The following HS6ST3 variants were observed in gnomAD, a reference collection of about 807,000 sequenced individuals.
HS6ST3 encodes heparan sulfate 6-O-sulfotransferase 3.
Under a neutral mutation model 36.7 loss-of-function variants are expected in HS6ST3, and 12 were observed. That is an observed-to-expected ratio of 0.33 (90% CI 0.21 to 0.53). The LOEUF is 0.53. Among genes scored for constraint, HS6ST3 ranks in the 20% least tolerant of loss-of-function variants. The pLI is 0.95. For synonymous variants in HS6ST3, 240 were observed against 257.5 expected (o/e 0.93, Z 0.65); for missense variants, 584 against 640.9 (o/e 0.91, Z 0.96).
At chr13:96,298,306 A>G (rs1011372494) in intron 1 of HS6ST3, among the ~76,000 whole-genome samples, 14 of 152,222 alleles carry the variant, frequency 9.2e-5, no homozygotes, top group Non-Finnish European at 1.8e-4. Context: ...TCAGATAAGC[A>G]TGGTTTGGCG....
intron 1 of HS6ST3, among the ~76,000 whole-genome samples, chr13:96,465,621 T>C (rs2055809786): frequency 6.6e-6 from 1 of 152,100 alleles, no homozygotes; most frequent in Admixed American, 6.6e-5. Flanking sequence ...AGGGTATGCT[T>C]AGAAAAATAT....
intron 1 of HS6ST3, among the ~76,000 whole-genome samples, chr13:96,273,121 A>T (rs893745884): frequency 6.6e-6 from 1 of 151,980 alleles, no homozygotes; most frequent in East Asian, 1.9e-4. Context: ...ATTGATATAC[A>T]GTTAAGGGGA....
chr13:96,716,624 TCTAC>T (rs1361298173), intron 1 of HS6ST3, among the ~76,000 whole-genome samples: 5 of 152,196 alleles, frequency 3.3e-5, no homozygotes, highest in Non-Finnish European at 5.9e-5. Context: ...TCATCTATCA[TCTAC>T]CTATCATTTA....
chr13:96,775,462 G>C (rs995122365), intron 1 of HS6ST3, among the ~76,000 whole-genome samples: 2 of 151,104 alleles, frequency 1.3e-5, no homozygotes, highest in Non-Finnish European at 2.9e-5. Flanking sequence ...ACACACATAG[G>C]CTCAAAATAA....
intron 1 of HS6ST3, among the ~76,000 whole-genome samples, chr13:96,268,085 C>A (rs988751543): frequency 6.6e-6 from 1 of 151,904 alleles, no homozygotes; most frequent in African/African-American, 2.4e-5. Flanking sequence ...GGTGAGGGCT[C>A]TACTCTCATG....
chr13:96,627,352 G>A (rs2056516583), intron 1 of HS6ST3, among the ~76,000 whole-genome samples: 2 of 151,868 alleles, frequency 1.3e-5, no homozygotes, highest in Admixed American at 1.3e-4. Flanking sequence ...TAACAATCTT[G>A]TATTCATGGA....
intron 1 of HS6ST3, among the ~76,000 whole-genome samples, chr13:96,639,836 C>G (rs961642742): frequency 1.3e-5 from 2 of 151,952 alleles, no homozygotes; most frequent in Non-Finnish European, 1.5e-5. Context: ...TGTGAATTTG[C>G]ATAGGATAAC....
At chr13:96,095,699 G>T in intron 1 of HS6ST3, among the ~76,000 whole-genome samples, 1 of 152,150 alleles carries the variant, frequency 6.6e-6, no homozygotes, top group African/African-American at 2.4e-5. Context: ...CTCCACAGCC[G>T]AGAGGGAAGC....
chr13:96,474,805 A>T (rs545837275), intron 1 of HS6ST3, among the ~76,000 whole-genome samples: 1 of 152,198 alleles, frequency 6.6e-6, no homozygotes, highest in Non-Finnish European at 1.5e-5. Flanking sequence ...AGTTTTAATT[A>T]TCTTTTTCAA....
At position 96,106,912 on chromosome 13, in the gene HS6ST3, G is replaced by C. The variant is rs143129328; in HGVS notation, c.707+15343G>C. Among the ~76,000 whole-genome samples the C allele has an allele frequency of 3.1e-4, 47 of 152,296 alleles. No homozygotes were observed. In the East Asian group the frequency reaches 3.7e-3, roughly 12 times the overall value. On this transcript the variant is annotated intron_variant, in intron 1 of 1. Transcript: ENST00000376705. ...GTCTGGCAGTATTGAGTTCTGTTTT[G>C]AGATCTGTGATTATACATTTGAAAT...
intron 1 of HS6ST3, among the ~76,000 whole-genome samples, chr13:96,300,422 A>C (rs550514871): frequency 6.6e-6 from 1 of 152,168 alleles, no homozygotes; most frequent in East Asian, 1.9e-4. Flanking sequence ...AGCAAGGGGG[A>C]AATTCATGGC....
intron 1 of HS6ST3, among the ~76,000 whole-genome samples, chr13:96,425,640 T>G (rs2055582913): frequency 6.6e-6 from 1 of 152,070 alleles, no homozygotes; most frequent in Admixed American, 6.6e-5. Context: ...TGTGTATATG[T>G]GTGTGCAAAT....
intron 1 of HS6ST3, among the ~76,000 whole-genome samples, chr13:96,317,344 A>ATAAAAT (rs2054976561): frequency 5.5e-5 from 1 of 18,268 alleles, no homozygotes; most frequent in South Asian, 2.9e-3. Context: ...ATATATATAT[A>ATAAAAT]TATATATATA....
intron 1 of HS6ST3, among the ~76,000 whole-genome samples, chr13:96,212,714 C>CT (rs2139358115): frequency 6.6e-6 from 1 of 152,118 alleles, no homozygotes; most frequent in East Asian, 1.9e-4. Flanking sequence ...TTGGCTGATA[C>CT]TTTTTTGGGG....
At chr13:96,153,123 GAC>G (rs1265389890) in intron 1 of HS6ST3, among the ~76,000 whole-genome samples, 2 of 152,038 alleles carry the variant, frequency 1.3e-5, no homozygotes, top group East Asian at 3.9e-4. Context: ...TAAGCATATG[GAC>G]ACACACACCT....
intron 1 of HS6ST3, among the ~76,000 whole-genome samples, chr13:96,488,290 G>C (rs1452952125): frequency 6.6e-6 from 1 of 151,930 alleles, no homozygotes. Flanking sequence ...TTCCTAATCT[G>C]TTCCATTGCT....
chr13:96,564,621 C>T (rs190375579), intron 1 of HS6ST3, among the ~76,000 whole-genome samples: 4 of 152,240 alleles, frequency 2.6e-5, no homozygotes, highest in Admixed American at 6.5e-5. Flanking sequence ...ACTTTCTCCA[C>T]GAAATGACCT....
intron 1 of HS6ST3, among the ~76,000 whole-genome samples, chr13:96,466,125 A>T (rs1436027037): frequency 6.6e-6 from 1 of 152,076 alleles, no homozygotes; most frequent in Non-Finnish European, 1.5e-5. Context: ...TACTAAAAAT[A>T]CAAAAATGAG....
At chr13:96,252,459 T>TCTTAGGATTG (rs1411935660) in intron 1 of HS6ST3, among the ~76,000 whole-genome samples, 4 of 152,182 alleles carry the variant, frequency 2.6e-5, no homozygotes, top group African/African-American at 4.8e-5. Flanking sequence ...ATGGAGCAAG[T>TCTTAGGATTG]CTTAGGATTG....
Sources: allele counts gnomAD v4.1 joint callset (sites outside exome capture counted in the v4.1 genomes callset), GRCh38; gene constraint gnomAD v4.1.1; transcripts MANE v1.5; gene names NCBI Gene and HGNC (gene_info 2026-07-23, HGNC 2026-07-21).